MLLT3: variants seen among roughly 807,000 people sequenced by gnomAD.
MLLT3 encodes protein AF-9.
MLLT3 carries 4 observed loss-of-function variants against 53.2 expected under a neutral mutation model. The ratio of observed to expected loss-of-function variants is 0.08; its 90% confidence interval spans 0.04 to 0.17. MLLT3 has a LOEUF of 0.17. Among genes scored for constraint, MLLT3 ranks in the 10% least tolerant of loss-of-function variants. The probability of loss-of-function intolerance (pLI) is 1.00; values close to 1 mark genes in which losing one functional copy is unlikely to be tolerated. For synonymous variants in MLLT3, 283 were observed against 230.6 expected, an observed-to-expected ratio of 1.23 and a Z score of -2.06; for missense variants, 569 against 684.0, an observed-to-expected ratio of 0.83 and a Z score of 1.87.
intron 2 of MLLT3, among the ~76,000 whole-genome samples, chr9:20,473,172 A>T (rs1483985624): frequency 6.6e-6 from 1 of 152,142 alleles, no homozygotes; most frequent in Non-Finnish European, 1.5e-5. Context: ...ATACTCACGT[A>T]GTCAAAGCAA....
chr9:20,513,792 C>T (rs1817827427), intron 2 of MLLT3, among the ~76,000 whole-genome samples: 2 of 152,202 alleles, frequency 1.3e-5, no homozygotes, highest in South Asian at 4.1e-4. Context: ...TGACTGAGCC[C>T]TGCTTCTGTG....
chr9:20,531,904 A>G (rs1017451555), intron 2 of MLLT3, among the ~76,000 whole-genome samples: 8 of 151,922 alleles, frequency 5.3e-5, no homozygotes, highest in Non-Finnish European at 1.2e-4. Flanking sequence ...AACTAAAATG[A>G]AAATTTTTAG....
At chr9:20,558,350 C>G (rs533218141) in intron 2 of MLLT3, among the ~76,000 whole-genome samples, 48 of 152,276 alleles carry the variant, frequency 3.2e-4, no homozygotes, top group African/African-American at 1.1e-3. Flanking sequence ...CCAGGCTGAT[C>G]TCAAGTGCCT....
At chr9:20,622,168 C>A (rs1447720275) in intron 1 of MLLT3, 77 bp downstream of exon 1, 1 of 1,455,922 alleles carries the variant, frequency 6.9e-7, no homozygotes, top group South Asian at 1.2e-5. Context: ...AGCGCTGGCG[C>A]TGTCTGGGCT....
intron 4 of MLLT3, among the ~76,000 whole-genome samples, chr9:20,445,210 A>G (rs887521805): frequency 6.6e-6 from 1 of 152,000 alleles, no homozygotes; most frequent in Non-Finnish European, 1.5e-5. Flanking sequence ...AAAGTAAATC[A>G]CTCTGTATTC....
intron 2 of MLLT3, among the ~76,000 whole-genome samples, chr9:20,476,425 C>T (rs1232570682): frequency 1.3e-5 from 2 of 152,094 alleles, no homozygotes; most frequent in East Asian, 3.9e-4. Context: ...TAGATTTCAG[C>T]ATGCCTTATC....
chr9:20,600,866 G>C (rs1258544447), intron 2 of MLLT3, among the ~76,000 whole-genome samples: 1 of 152,158 alleles, frequency 6.6e-6, no homozygotes, highest in African/African-American at 2.4e-5. Context: ...GGGAGAATCA[G>C]AATCCAATGG....
intron 2 of MLLT3, among the ~76,000 whole-genome samples, chr9:20,563,846 C>T (rs182899194): frequency 6.6e-6 from 1 of 152,216 alleles, no homozygotes; most frequent in African/African-American, 2.4e-5. Flanking sequence ...GAATGACAAA[C>T]AGAATCTGTA....
Position 20,445,095 on chromosome 9 carries a change from A to T in MLLT3, c.420+3028T>A, listed in dbSNP as rs373822712. ...AACAGAGTGAGACTCCATCTCAATT[A>T]AAAAAAAAAAGTTCGTCGGGCTAGA... On this transcript the variant is annotated intron_variant, in intron 4 of 10. Transcript: ENST00000380338. 3.9e-3 allele frequency among the ~76,000 whole-genome samples: 563 copies of T among 145,008 alleles called. 2 individuals carry two copies. Among genetic ancestry groups the T allele is most frequent in the African/African-American group, 0.014 (538 of 38,708 alleles).
At chr9:20,614,212 T>C (rs541988160) in intron 2 of MLLT3, among the ~76,000 whole-genome samples, 4 of 152,224 alleles carry the variant, frequency 2.6e-5, no homozygotes, top group South Asian at 2.1e-4. Context: ...CTGGCCAACA[T>C]GGTGAAACCC....
intron 2 of MLLT3, among the ~76,000 whole-genome samples, chr9:20,466,250 A>T (rs1824235364): frequency 6.6e-6 from 1 of 152,102 alleles, no homozygotes; most frequent in Admixed American, 6.6e-5. Context: ...TGCTCCAGTG[A>T]TTATTTCCTT....
At chr9:20,501,604 A>C (rs892517699) in intron 2 of MLLT3, among the ~76,000 whole-genome samples, 1 of 150,606 alleles carries the variant, frequency 6.6e-6, no homozygotes, top group Non-Finnish European at 1.5e-5. Context: ...ACAAAAAATT[A>C]GCCGGGCGCG....
Position 20,366,858 on chromosome 9 carries a change from GTCTT to G in MLLT3, c.1126-1118_1126-1115del, listed in dbSNP as rs557944063. The stretch of plus-strand genomic sequence containing the variant: ...TACTGGTCATTAGAGAAATACAGCT[GTCTT>G]TCTAAGAGATACCTTGATTACCCTT... On this transcript the variant is annotated intron_variant, in intron 5 of 10. Transcript: ENST00000380338. Among the ~76,000 whole-genome samples, 3 of 152,344 alleles carry G rather than the reference GTCTT, an allele frequency of 2.0e-5. No individual in the cohort carries two copies. The East Asian group carries it at 5.8e-4, about 29-fold the overall frequency.
intron 2 of MLLT3, among the ~76,000 whole-genome samples, chr9:20,561,689 T>C (rs1397170934): frequency 1.3e-5 from 2 of 152,088 alleles, no homozygotes; most frequent in Non-Finnish European, 2.9e-5. Context: ...ATTATGAAAA[T>C]CTCCACACGA....
chr9:20,363,800 T>C (rs1003495162), intron 6 of MLLT3, among the ~76,000 whole-genome samples, 195 bp from the exon 7 acceptor site: 2 of 152,244 alleles, frequency 1.3e-5, no homozygotes, highest in Non-Finnish European at 1.5e-5. Context: ...GTTTTCATAA[T>C]GGATTCCCAA....
At position 20,585,161 on chromosome 9, in the gene MLLT3, G is replaced by T. The variant is rs191001364; in HGVS notation, c.193+35493C>A. On this transcript the variant is annotated intron_variant, in intron 2 of 10. Transcript: ENST00000380338. ...AAAGTCCAAAATAAAGGGGCCAACT[G>T]ATTCTGTTTCCGGTGAGGACTCTCT... Among the ~76,000 whole-genome samples, 543 of 152,266 alleles carry T rather than the reference G, an allele frequency of 3.6e-3. 6 individuals carry two copies. Among genetic ancestry groups the T allele is most frequent in the African/African-American group, 0.013 (523 of 41,558 alleles).
chr9:20,371,854 T>C (rs988019277), intron 5 of MLLT3, among the ~76,000 whole-genome samples: 18 of 152,196 alleles, frequency 1.2e-4, no homozygotes, highest in South Asian at 8.3e-4. Flanking sequence ...ATTCCTCTGA[T>C]ATATCTGAGC....
intron 2 of MLLT3, among the ~76,000 whole-genome samples, chr9:20,596,737 C>A (rs1267744492): frequency 1.3e-5 from 2 of 152,040 alleles, no homozygotes; most frequent in Non-Finnish European, 2.9e-5. Context: ...TGCTTGAAAA[C>A]ATTAAAAATG....
chr9:20,522,689 A>T (rs1339231153), intron 2 of MLLT3, among the ~76,000 whole-genome samples: 4 of 152,142 alleles, frequency 2.6e-5, no homozygotes, highest in African/African-American at 9.7e-5. Flanking sequence ...TTTTTTTTCT[A>T]AATTGCAAGG....
Sources: allele counts gnomAD v4.1 joint callset (sites outside exome capture counted in the v4.1 genomes callset), GRCh38; gene constraint gnomAD v4.1.1; transcripts MANE v1.5; gene names NCBI Gene and HGNC (gene_info 2026-07-23, HGNC 2026-07-21).